The following BICC1 variants were observed in gnomAD, a reference collection of about 807,000 sequenced individuals.
BICC1 encodes the protein BicC family RNA binding protein 1, also known as protein bicaudal C homolog 1.
A neutral mutation model predicts 111.0 loss-of-function variants in BICC1; 43 were observed. The observed-to-expected ratio is 0.39, with a 90% CI of 0.30 to 0.50. The LOEUF (loss-of-function observed/expected upper bound fraction) is 0.50, where lower values mean the gene tolerates loss of function less well. Ranked by LOEUF, BICC1 falls within the 20% of genes least tolerant of loss-of-function variation. The probability of loss-of-function intolerance (pLI) is 0.88; values close to 1 mark genes in which losing one functional copy is unlikely to be tolerated. For missense variants in BICC1, 1,091 were observed against 1,203.2 expected, an observed-to-expected ratio of 0.91 and a Z score of 1.38; for synonymous variants, 467 against 434.4, an observed-to-expected ratio of 1.07 and a Z score of -0.93.
chr10:58,711,895 G>T (rs974748151), intron 3 of BICC1, among the ~76,000 whole-genome samples: 1 of 148,804 alleles, frequency 6.7e-6, no homozygotes, highest in Non-Finnish European at 1.5e-5. Context: ...AAGTAAAAAA[G>T]TGAAAACATC....
chr10:58,590,791 A>G (rs1008540402), intron 1 of BICC1, among the ~76,000 whole-genome samples: 3 of 152,206 alleles, frequency 2.0e-5, no homozygotes, highest in South Asian at 2.1e-4. Context: ...TAGATTATCT[A>G]TTTAAAAAGG....
chr10:58,725,196 G>A (rs1332423682), intron 3 of BICC1, among the ~76,000 whole-genome samples: 1 of 151,990 alleles, frequency 6.6e-6, no homozygotes, highest in African/African-American at 2.4e-5. Context: ...TTTCCTTTTG[G>A]AGCACATTGT....
intron 1 of BICC1, among the ~76,000 whole-genome samples, chr10:58,574,163 G>A (rs919421172): frequency 1.3e-5 from 2 of 152,148 alleles, no homozygotes; most frequent in African/African-American, 2.4e-5. Flanking sequence ...ACAGGCATTT[G>A]TTACATGCAC....
intron 3 of BICC1, among the ~76,000 whole-genome samples, chr10:58,783,453 C>T (rs1589134006): frequency 6.6e-6 from 1 of 151,690 alleles, no homozygotes; most frequent in Non-Finnish European, 1.5e-5. Flanking sequence ...CTCTCTGTGG[C>T]GTTTTCACCT....
At chr10:58,797,115 C>T (rs1339916027) in intron 10 of BICC1, among the ~76,000 whole-genome samples, 1 of 152,092 alleles carries the variant, frequency 6.6e-6, no homozygotes, top group Non-Finnish European at 1.5e-5. Context: ...GTAGAATGAG[C>T]TGTTTAATAG....
At chr10:58,661,748 C>T (rs1188421978) in intron 2 of BICC1, among the ~76,000 whole-genome samples, 1 of 152,048 alleles carries the variant, frequency 6.6e-6, no homozygotes, top group East Asian at 1.9e-4. Flanking sequence ...TGGAGGATAA[C>T]AGTGCTTTAA....
intron 3 of BICC1, among the ~76,000 whole-genome samples, chr10:58,776,303 G>A (rs1167013872): frequency 6.6e-6 from 1 of 152,176 alleles, no homozygotes; most frequent in Admixed American, 6.5e-5. Context: ...TTCACGAAGA[G>A]TCCCAGCTGT....
At chr10:58,727,538 G>T (rs1408642475) in intron 3 of BICC1, among the ~76,000 whole-genome samples, 2 of 151,796 alleles carry the variant, frequency 1.3e-5, no homozygotes, top group Non-Finnish European at 1.5e-5. Context: ...AGTGAGCCAA[G>T]ATCATGCCAC....
At chr10:58,555,169 A>G (rs930775864) in intron 1 of BICC1, among the ~76,000 whole-genome samples, 23 of 152,054 alleles carry the variant, frequency 1.5e-4, no homozygotes, top group African/African-American at 5.1e-4. Flanking sequence ...AGATTTTTTC[A>G]TATTTTTGCT....
At chr10:58,800,109 CT>C in intron 12 of BICC1, 84 bp from the exon 13 acceptor site, 2 of 1,067,518 alleles carry the variant, frequency 1.9e-6, no homozygotes, top group Non-Finnish European at 2.7e-6. Context: ...TTTTTCGTGG[CT>C]GTTATAAATG....
intron 3 of BICC1, among the ~76,000 whole-genome samples, chr10:58,723,954 A>C (rs890021189): frequency 6.6e-6 from 1 of 152,232 alleles, no homozygotes; most frequent in African/African-American, 2.4e-5. Context: ...GCAAAAAGAA[A>C]CTTGTTAATG....
intron 1 of BICC1, among the ~76,000 whole-genome samples, chr10:58,587,597 G>A (rs1258278394): frequency 1.3e-5 from 2 of 152,214 alleles, no homozygotes; most frequent in East Asian, 1.9e-4. Flanking sequence ...AGATGGTAAG[G>A]AAGGAGAAGG....
chr10:58,814,390 T>G, intron 18 of BICC1: 1 of 457,800 alleles, frequency 2.2e-6, no homozygotes, highest in Non-Finnish European at 3.9e-6. Context: ...GTCTGACACC[T>G]AGTAGGTAGG....
At chr10:58,671,708 A>G (rs1839191069) in intron 2 of BICC1, among the ~76,000 whole-genome samples, 1 of 151,910 alleles carries the variant, frequency 6.6e-6, no homozygotes, top group Admixed American at 6.6e-5. Context: ...TAGAATTGAT[A>G]CTTCTTGAAA....
intron 1 of BICC1, among the ~76,000 whole-genome samples, chr10:58,530,819 A>G (rs1015802861): frequency 6.6e-6 from 1 of 151,860 alleles, no homozygotes; most frequent in African/African-American, 2.4e-5. Context: ...ATGAGATTAC[A>G]AAAATAAGCC....
At chr10:58,659,402 T>TA (rs563767228) in intron 2 of BICC1, among the ~76,000 whole-genome samples, 1 of 152,016 alleles carries the variant, frequency 6.6e-6, no homozygotes, top group East Asian at 1.9e-4. Flanking sequence ...TACACACCCA[T>TA]AAAAAAAGAA....
intron 1 of BICC1, among the ~76,000 whole-genome samples, chr10:58,518,590 T>G (rs867258294): frequency 1.1e-4 from 4 of 35,352 alleles, no homozygotes; most frequent in East Asian, 1.6e-3. Context: ...ATGTGTGTGT[T>G]GGGGGGGGGG....
chr10:58,543,368 A>G (rs865887986), intron 1 of BICC1, among the ~76,000 whole-genome samples: 3 of 152,152 alleles, frequency 2.0e-5, no homozygotes, highest in African/African-American at 4.8e-5. Context: ...GGATGAAGAA[A>G]GGGAGAGTTG....
chr10:58,623,175 A>G (rs1564518165), intron 2 of BICC1, among the ~76,000 whole-genome samples: 1 of 152,178 alleles, frequency 6.6e-6, no homozygotes, highest in Non-Finnish European at 1.5e-5. Flanking sequence ...CATAATGACT[A>G]TACTAAATTT....
Sources: allele counts gnomAD v4.1 joint callset (sites outside exome capture counted in the v4.1 genomes callset), GRCh38; gene constraint gnomAD v4.1.1; transcripts MANE v1.5; gene names NCBI Gene and HGNC (gene_info 2026-07-23, HGNC 2026-07-21).